IL1RAPL2: variants seen among roughly 807,000 people sequenced by gnomAD.
The protein encoded by IL1RAPL2 is interleukin 1 receptor accessory protein like 2.
IL1RAPL2 carries 3 observed loss-of-function variants against 44.1 expected under a neutral mutation model. The ratio of observed to expected loss-of-function variants is 0.07; its 90% CI spans 0.03 to 0.18. The LOEUF (loss-of-function observed/expected upper bound fraction) is 0.18. Ranked by LOEUF, IL1RAPL2 falls within the 10% of genes least tolerant of loss-of-function variation. The pLI, the probability that IL1RAPL2 is intolerant of heterozygous loss-of-function variation, is 1.00. For synonymous variants in IL1RAPL2, 181 were observed against 178.8 expected (o/e 1.01, Z -0.10); for missense variants, 391 against 496.4 (o/e 0.79, Z 2.02).
chrX:105,460,323 T>C (rs1191909958), intron 5 of IL1RAPL2, among the ~76,000 whole-genome samples: 2 of 110,832 alleles, frequency 1.8e-5, no homozygotes, highest in Non-Finnish European at 3.8e-5. Flanking sequence ...TGTAAAACAG[T>C]GCCTCCTGAT....
At chrX:104,644,789 A>C (rs1569288519) in intron 1 of IL1RAPL2, among the ~76,000 whole-genome samples, 1 of 110,151 alleles carries the variant, frequency 9.1e-6, no homozygotes, top group African/African-American at 3.3e-5. Flanking sequence ...TGCTTACCCT[A>C]TCTCTCTCTT....
rs760334426 is a variant in IL1RAPL2, at chrX:105,029,880, T to C, written c.83-165595T>C. 2.4e-4 allele frequency among the ~76,000 whole-genome samples: 27 copies of C among 111,487 alleles called. No individual in the cohort carries two copies. In the South Asian group the frequency reaches 8.4e-3, roughly 35 times the overall value. Reference sequence around the variant, plus strand: ...TACAGCCCCACCAACAGTGTAAAAGTGTTCCTATTTCTCCACATCCTCTCC... The same window carrying C: ...TACAGCCCCACCAACAGTGTAAAAGCGTTCCTATTTCTCCACATCCTCTCC... On this transcript the variant is annotated intron_variant, in intron 2 of 10. Transcript: ENST00000372582.
intron 10 of IL1RAPL2, among the ~76,000 whole-genome samples, chrX:105,762,994 C>T (rs2038700197): frequency 9.0e-6 from 1 of 111,211 alleles, no homozygotes; most frequent in African/African-American, 3.3e-5. Context: ...GCAAACCCCA[C>T]TGCCTGTCAG....
chrX:105,311,639 C>CAT (rs2034798147), intron 5 of IL1RAPL2, among the ~76,000 whole-genome samples: 2 of 97,562 alleles, frequency 2.0e-5, no homozygotes, highest in Admixed American at 1.1e-4. Flanking sequence ...CACACACACA[C>CAT]ACATATATAT....
chrX:105,552,746 A>G (rs1204005371), intron 6 of IL1RAPL2, among the ~76,000 whole-genome samples: 3 of 111,979 alleles, frequency 2.7e-5, no homozygotes, highest in African/African-American at 9.7e-5. Context: ...TTGAGATTTC[A>G]TGTTTTAACA....
At chrX:104,671,937 G>A (rs1410624115) in intron 2 of IL1RAPL2, among the ~76,000 whole-genome samples, 2 of 111,115 alleles carry the variant, frequency 1.8e-5, no homozygotes, top group African/African-American at 6.6e-5. Context: ...CTCATCTGCA[G>A]AGCCCACATT....
intron 5 of IL1RAPL2, among the ~76,000 whole-genome samples, chrX:105,443,560 T>C (rs1362559282): frequency 2.7e-5 from 3 of 112,031 alleles, no homozygotes; most frequent in Non-Finnish European, 3.8e-5. Context: ...CGAATTTAAA[T>C]GTTTTGATTT....
intron 2 of IL1RAPL2, among the ~76,000 whole-genome samples, chrX:104,899,761 G>T (rs1461838981): frequency 9.0e-6 from 1 of 111,358 alleles, no homozygotes; most frequent in East Asian, 2.8e-4. Flanking sequence ...AACCATCCAA[G>T]TCTTCTCATC....
intron 6 of IL1RAPL2, among the ~76,000 whole-genome samples, chrX:105,534,349 G>A (rs1424699258): frequency 8.9e-6 from 1 of 111,759 alleles, no homozygotes; most frequent in Non-Finnish European, 1.9e-5. Flanking sequence ...GGTCATTATA[G>A]TCAAAATAAT....
chrX:105,618,620 T>C (rs1437810510), intron 6 of IL1RAPL2, among the ~76,000 whole-genome samples: 1 of 111,356 alleles, frequency 9.0e-6, no homozygotes, highest in Non-Finnish European at 1.9e-5. Context: ...AGTCATAATC[T>C]CTCTGATTCA....
At chrX:105,475,624 A>T (rs996520961) in intron 5 of IL1RAPL2, among the ~76,000 whole-genome samples, 1 of 109,592 alleles carries the variant, frequency 9.1e-6, no homozygotes, top group African/African-American at 3.3e-5. Flanking sequence ...TTTTAGAGAG[A>T]GAAAGAAAAA....
chrX:105,277,093 C>G (rs760903618), intron 5 of IL1RAPL2, among the ~76,000 whole-genome samples: 15 of 111,956 alleles, frequency 1.3e-4, no homozygotes, highest in Non-Finnish European at 2.8e-4. Flanking sequence ...AAGCACCCGC[C>G]TTAAAGCTGC....
intron 1 of IL1RAPL2, among the ~76,000 whole-genome samples, chrX:104,611,791 C>T (rs1398015836): frequency 9.5e-5 from 9 of 94,556 alleles, no homozygotes; most frequent in Non-Finnish European, 2.0e-5. Flanking sequence ...GAGCCAAGAT[C>T]GCGCCACTGC....
intron 2 of IL1RAPL2, among the ~76,000 whole-genome samples, chrX:105,018,048 A>C (rs369517682): frequency 1.8e-5 from 2 of 111,797 alleles, no homozygotes; most frequent in Non-Finnish European, 3.8e-5. Context: ...AATTCCCACA[A>C]TTAGACTCTT....
At chrX:105,456,230 T>A (rs907264736) in intron 5 of IL1RAPL2, among the ~76,000 whole-genome samples, 3 of 112,140 alleles carry the variant, frequency 2.7e-5, no homozygotes, top group African/African-American at 9.7e-5. Flanking sequence ...GCTAAGGCTA[T>A]GAGATTTTCT....
At chrX:105,301,526 T>C (rs1157847125) in intron 5 of IL1RAPL2, among the ~76,000 whole-genome samples, 3 of 109,836 alleles carry the variant, frequency 2.7e-5, no homozygotes, top group Admixed American at 9.8e-5. Context: ...CCTCCCACTA[T>C]CTTTCCAAGA....
intron 6 of IL1RAPL2, among the ~76,000 whole-genome samples, chrX:105,581,673 G>A (rs2037089873): frequency 9.0e-6 from 1 of 110,818 alleles, no homozygotes; most frequent in South Asian, 3.8e-4. Flanking sequence ...CTATTTCCTT[G>A]AAGTAGGGTC....
intron 5 of IL1RAPL2, among the ~76,000 whole-genome samples, chrX:105,366,213 C>T (rs2035293640): frequency 9.0e-6 from 1 of 111,495 alleles, no homozygotes; most frequent in Admixed American, 9.6e-5. Flanking sequence ...TCCTAAAGTA[C>T]AGGGATTACG....
In IL1RAPL2 at chrX:104,939,461, G is replaced by GT. The variant is rs766281240; in HGVS notation, c.83-256012dup. Among the ~76,000 whole-genome samples the GT allele has an allele frequency of 7.4e-3, 821 of 111,060 alleles. 8 individuals are homozygous for GT. The highest frequency in any genetic ancestry group is 0.025 in the African/African-American group (761 of 30,621). Reference sequence around the variant, plus strand: ...TTTATTTTAAGCAGCCTTTTTTTTGGTTGTTTAGTAAATATTAAACCTAAT... The same window carrying GT: ...TTTATTTTAAGCAGCCTTTTTTTTGGTTTGTTTAGTAAATATTAAACCTAAT... On this transcript the variant is annotated intron_variant, in intron 2 of 10. Transcript: ENST00000372582.
Sources: gnomAD v4.1 joint callset for allele counts (sites outside exome capture counted in the v4.1 genomes callset) on GRCh38, gnomAD v4.1.1 for gene constraint, MANE v1.5 for transcripts, NCBI Gene and HGNC (gene_info 2026-07-23, HGNC 2026-07-21) for gene names.